Variants in GALNT14 observed in about 807,000 individuals in gnomAD.
GALNT14 encodes polypeptide N-acetylgalactosaminyltransferase 14.
Under a neutral mutation model 77.5 loss-of-function variants are expected in GALNT14, and 60 were observed. That is an observed-to-expected ratio of 0.77 (90% confidence interval 0.63 to 0.96). The LOEUF (loss-of-function observed/expected upper bound fraction) is 0.96, where lower values mean the gene tolerates loss of function less well. Ranked by LOEUF, GALNT14 falls within the 40% of genes least tolerant of loss-of-function variation. GALNT14 has a pLI of 0.00. For missense variants in GALNT14, 710 were observed against 731.0 expected (o/e 0.97, Z 0.33); for synonymous variants, 280 against 281.7 (o/e 0.99, Z 0.06).
At chr2:30,958,499 T>A (rs766596285) in intron 3 of GALNT14, 35 bp from the exon 4 acceptor site, 1 of 1,565,962 alleles carries the variant, frequency 6.4e-7, no homozygotes, top group Non-Finnish European at 8.8e-7. Context: ...TCACTGGAAC[T>A]TCTAGTGGCA....
In GALNT14 at chr2:30,942,268, G is replaced by C; in HGVS notation, c.864C>G (p.Asp288Glu). 2 of 1,614,052 alleles carry C rather than the reference G, an allele frequency of 1.2e-6. No homozygotes were observed. Among genetic ancestry groups the C allele is most frequent in the Non-Finnish European group, 1.7e-6 (2 of 1,180,002 alleles). ...PIIAGGLFVI[D>E]KAWFDYLGKY... ...TCCCCAGGTAATCAAACCAAGCTTT[G>C]TCGATCACGAAGAGCCCTCCAGCTA... Residue 288 changes from aspartate to glutamate, a missense_variant, in exon 9 of 15, where the codon GAC (aspartate) becomes GAG (glutamate). Coordinates refer to ENST00000349752, the MANE Select transcript of GALNT14 (RefSeq NM_024572.4).
intron 1 of GALNT14, among the ~76,000 whole-genome samples, chr2:31,005,867 T>C (rs1036579473): frequency 1.3e-5 from 2 of 152,250 alleles, no homozygotes; most frequent in African/African-American, 4.8e-5. Flanking sequence ...AAGGTTATTA[T>C]CAGCTTAGAA....
At chr2:31,111,603 A>G (rs1209582276) in intron 1 of GALNT14, among the ~76,000 whole-genome samples, 1 of 152,084 alleles carries the variant, frequency 6.6e-6, no homozygotes, top group Non-Finnish European at 1.5e-5. Context: ...AATTGCAAAA[A>G]AAGCTCAGCC....
At chr2:30,903,348 T>C in the GALNT14 span, among the ~76,000 whole-genome samples, 1 of 152,234 alleles carries the variant, frequency 6.6e-6, no homozygotes. Flanking sequence ...ATTCTTTGAG[T>C]GCTGGCTACA....
intron 1 of GALNT14, among the ~76,000 whole-genome samples, chr2:31,038,084 A>ATATATATATTTT (rs1558514604): frequency 1.9e-5 from 1 of 52,664 alleles, no homozygotes; most frequent in African/African-American, 9.2e-5. Context: ...ATATATATAT[A>ATATATATATTTT]TTTTTTTTTT....
intron 13 of GALNT14, among the ~76,000 whole-genome samples, chr2:30,919,048 C>A (rs1217233322): frequency 6.6e-6 from 1 of 152,200 alleles, no homozygotes; most frequent in Non-Finnish European, 1.5e-5. Flanking sequence ...GTAGCCCACA[C>A]ACTGGGAGAC....
At chr2:30,936,281 C>T (rs991812363) in intron 9 of GALNT14, among the ~76,000 whole-genome samples, 3 of 152,016 alleles carry the variant, frequency 2.0e-5, no homozygotes, top group Non-Finnish European at 4.4e-5. Context: ...ACCTGGCAAG[C>T]CCATGGATGG....
chr2:30,951,980 C>T (rs1288096253), intron 6 of GALNT14, among the ~76,000 whole-genome samples: 1 of 152,210 alleles, frequency 6.6e-6, no homozygotes, highest in Non-Finnish European at 1.5e-5. Context: ...GCCAAGTGTG[C>T]ACTGCACCGT....
chr2:30,945,558 T>C (rs1414196434), intron 7 of GALNT14, among the ~76,000 whole-genome samples: 1 of 152,202 alleles, frequency 6.6e-6, no homozygotes, highest in Non-Finnish European at 1.5e-5. Context: ...GTGAGCCCTA[T>C]CTTAGAGCTG....
intron 9 of GALNT14, among the ~76,000 whole-genome samples, chr2:30,939,949 G>A (rs1444674071): frequency 6.6e-6 from 1 of 151,262 alleles, no homozygotes; most frequent in Non-Finnish European, 1.5e-5. Flanking sequence ...CACTGTCCAC[G>A]TGACACAGCC....
intron 1 of GALNT14, among the ~76,000 whole-genome samples, chr2:31,050,065 C>T (rs1673743360): frequency 6.6e-6 from 1 of 152,096 alleles, no homozygotes; most frequent in Admixed American, 6.5e-5. Flanking sequence ...ATACCATGTC[C>T]TGGCCACTCG....
intron 1 of GALNT14, among the ~76,000 whole-genome samples, chr2:31,073,798 T>C (rs1675580687): frequency 6.6e-6 from 1 of 152,162 alleles, no homozygotes; most frequent in Non-Finnish European, 1.5e-5. Context: ...GGATTCACAT[T>C]TTAAAATATC....
chr2:31,005,779 G>A (rs1670635612), intron 1 of GALNT14, among the ~76,000 whole-genome samples: 2 of 152,206 alleles, frequency 1.3e-5, no homozygotes, highest in African/African-American at 4.8e-5. Context: ...TCTACCCAAA[G>A]CTCCATCTCA....
intron 3 of GALNT14, among the ~76,000 whole-genome samples, chr2:30,959,578 A>G (rs533774183): frequency 6.6e-6 from 1 of 152,340 alleles, no homozygotes; most frequent in African/African-American, 2.4e-5. Context: ...GGATAATAGG[A>G]GTACTTATTT....
At chr2:30,937,102 T>A (rs895984295) in intron 9 of GALNT14, among the ~76,000 whole-genome samples, 1 of 152,220 alleles carries the variant, frequency 6.6e-6, no homozygotes, top group African/African-American at 2.4e-5. Flanking sequence ...TATGCTCTTC[T>A]CAGATGAGGT....
At position 31,138,362 on chromosome 2, in the gene GALNT14, G is replaced by T; in HGVS notation, c.-276C>A. 2.3e-6 allele frequency: 1 copy of T among 444,038 alleles called. No individual in the cohort carries two copies. The highest frequency in any genetic ancestry group is 4.0e-6 in the Non-Finnish European group (1 of 251,842). The allele number at this position is 444,038 out of a possible 1,614,324, so 27.5% of individuals were successfully genotyped here. ...CTCCAGCGGGAGAAGCGCGGTGGCT[G>T]CCGAGATGTTCCCCACGCCGCCACC... is the stretch of plus-strand genomic sequence containing the variant. On this transcript the variant is annotated 5_prime_UTR_variant, in exon 1 of 15. Transcript: ENST00000349752.
chr2:31,054,366 C>G (rs913657692), intron 1 of GALNT14, among the ~76,000 whole-genome samples: 4 of 152,208 alleles, frequency 2.6e-5, no homozygotes, highest in African/African-American at 9.7e-5. Context: ...GTCCCTTCCT[C>G]TGAGACTCTT....
intron 1 of GALNT14, among the ~76,000 whole-genome samples, chr2:31,022,073 T>C (rs922550901): frequency 6.6e-6 from 1 of 152,226 alleles, no homozygotes; most frequent in Non-Finnish European, 1.5e-5. Context: ...TCCCTGTGGT[T>C]CTGAAATACT....
In GALNT14 at chr2:30,988,470, A is replaced by G. The variant is rs191538943; in HGVS notation, c.299+4368T>C. Among the ~76,000 whole-genome samples the G allele has an allele frequency of 1.1e-3, 170 of 152,286 alleles. 2 individuals carry two copies. Among genetic ancestry groups the G allele is most frequent in the Non-Finnish European group, 4.7e-4 (32 of 68,014 alleles). ...CAGGACATGGAGCCTGTGAATGAAG[A>G]ACTGGGAAAGGAGGGAGGAGCAAGA... On this transcript the variant is annotated intron_variant, in intron 2 of 14. Transcript: ENST00000349752.
Sources: allele counts gnomAD v4.1 joint callset (sites outside exome capture counted in the v4.1 genomes callset), GRCh38; gene constraint gnomAD v4.1.1; transcripts MANE v1.5; gene names NCBI Gene and HGNC (gene_info 2026-07-23, HGNC 2026-07-21).